Variants in MTMR8 observed in about 807,000 individuals in gnomAD.
The protein encoded by MTMR8 is phosphatidylinositol-3,5-bisphosphate 3-phosphatase MTMR8.
Under a neutral mutation model 39.3 loss-of-function variants are expected in MTMR8, and 65 were observed. The ratio of observed to expected loss-of-function variants is 1.65; its 90% CI spans 1.35 to 2.03. MTMR8 has a LOEUF of 2.03. Ranked by LOEUF, MTMR8 falls within the 30% of genes most tolerant of loss-of-function variation. The pLI is 0.00. For synonymous variants in MTMR8, 245 were observed against 185.2 expected (o/e 1.32, Z -2.62); for missense variants, 777 against 538.9 (o/e 1.44, Z -4.37).
At chrX:64,296,523 C>G (rs777208644) in intron 12 of MTMR8, among the ~76,000 whole-genome samples, 1 of 107,365 alleles carries the variant, frequency 9.3e-6, no homozygotes, top group African/African-American at 3.4e-5. Context: ...AGAGGACGGA[C>G]TGTTATATAA....
At chrX:64,355,409 C>T (rs1923596126) in intron 3 of MTMR8, among the ~76,000 whole-genome samples, 1 of 111,747 alleles carries the variant, frequency 8.9e-6, no homozygotes, top group African/African-American at 3.2e-5. Context: ...CTCTGTCAGT[C>T]CTGCTTCCTC....
intron 8 of MTMR8, among the ~76,000 whole-genome samples, chrX:64,340,460 T>G (rs1923186011): frequency 9.1e-6 from 1 of 110,472 alleles, no homozygotes; most frequent in South Asian, 3.9e-4. Context: ...TATAGCTAAA[T>G]GAAATAGATC....
Position 64,393,709 on chromosome X carries a change from G to A in MTMR8, c.24+1631C>T, listed in dbSNP as rs375728098. On this transcript the variant is annotated intron_variant, in intron 1 of 13. Transcript: ENST00000374852. Reference sequence around the variant, plus strand: ...CGGAAACAAAGGGACACAGAAAAAGGCAAGGCTGGCTGGCTTTTACACGGG... The same window carrying A: ...CGGAAACAAAGGGACACAGAAAAAGACAAGGCTGGCTGGCTTTTACACGGG... Among the ~76,000 whole-genome samples, 10 of 111,912 alleles carry A rather than the reference G, an allele frequency of 8.9e-5. No individual in the cohort carries two copies. In the South Asian group the frequency reaches 3.8e-3, roughly 43 times the overall value.
In MTMR8 at chrX:64,349,331, G is replaced by A. The variant is rs144261744; in HGVS notation, c.598-537C>T. Among the ~76,000 whole-genome samples the A allele has an allele frequency of 5.9e-3, 655 of 111,510 alleles. 2 individuals carry two copies. Among genetic ancestry groups the A allele is most frequent in the Non-Finnish European group, 8.9e-3 (470 of 53,068 alleles). On this transcript the variant is annotated intron_variant, in intron 5 of 13. Coordinates refer to ENST00000374852, the MANE Select transcript of MTMR8 (RefSeq NM_017677.4). The stretch of plus-strand genomic sequence containing the variant: ...TGGTAATGATTAGTTCATGAAATTC[G>A]TTACACTTTGATGTGGCTTTTAAGG...
In MTMR8 at chrX:64,348,684, C is replaced by T. The variant is rs749084903; in HGVS notation, c.708G>A (p.Met236Ile). The change falls in exon 6 of 14, where the codon ATG becomes ATA. Residue 236 changes from methionine to isoleucine, a missense_variant. Met to Ile is a conservative substitution (Grantham distance 10). Transcript: ENST00000374852. ...ISQTNPGSQFMYVVDTRPKLN... is the reference protein window; with the variant it reads ...ISQTNPGSQFIYVVDTRPKLN... ...CCTTTGGTCTTGTGTCTACAACATA[C>T]ATAAACTGGCTCCCTGGGTTTGTTT... The T allele has an allele frequency of 3.1e-5, 37 of 1,209,379 alleles. No individual in the cohort carries two copies. The highest frequency in any genetic ancestry group is 2.6e-4 in the South Asian group (15 of 56,812).
chrX:64,375,611 C>T (rs1020871372), intron 1 of MTMR8, among the ~76,000 whole-genome samples: 1 of 110,785 alleles, frequency 9.0e-6, no homozygotes, highest in Admixed American at 9.6e-5. Flanking sequence ...GTTCTCTGCT[C>T]ATAAATGGGA....
Position 64,287,468 on chromosome X carries a change from A to C in MTMR8, c.1482-16395T>G, listed in dbSNP as rs899406010. On this transcript the variant is annotated intron_variant, in intron 12 of 13. Transcript: ENST00000374852. ...TCACAGAATTGGAAAAAACTACTTT[A>C]AAGTTCATATGGAACCAAAAAAAGA... 1.3e-3 allele frequency among the ~76,000 whole-genome samples: 148 copies of C among 111,409 alleles called. 1 individual carries two copies. Among genetic ancestry groups the C allele is most frequent in the African/African-American group, 4.7e-3 (143 of 30,637 alleles).
intron 8 of MTMR8, among the ~76,000 whole-genome samples, chrX:64,338,772 G>A (rs1265071585): frequency 9.0e-6 from 1 of 111,730 alleles, no homozygotes; most frequent in Non-Finnish European, 1.9e-5. Context: ...ATAGGCCTGA[G>A]GTAAGGTAGT....
intron 13 of MTMR8, among the ~76,000 whole-genome samples, chrX:64,270,407 G>A (rs1016599982): frequency 4.5e-5 from 5 of 111,489 alleles, no homozygotes; most frequent in African/African-American, 1.3e-4. Context: ...AAACCCTTAG[G>A]GATTCCTACA....
chrX:64,360,481 T>C (rs750016331), intron 1 of MTMR8: 1 of 170,491 alleles, frequency 5.9e-6, no homozygotes, highest in Admixed American at 7.6e-5. Flanking sequence ...TAGGACTCTA[T>C]ATCCAACAAA....
chrX:64,303,528 C>T (rs1440454600), intron 12 of MTMR8, among the ~76,000 whole-genome samples: 2 of 112,121 alleles, frequency 1.8e-5, no homozygotes, highest in Admixed American at 9.5e-5. Flanking sequence ...TGATATATTT[C>T]TTATAGCAAA....
Sources: allele counts gnomAD v4.1 joint callset (sites outside exome capture counted in the v4.1 genomes callset), GRCh38; gene constraint gnomAD v4.1.1; transcripts MANE v1.5; gene names NCBI Gene and HGNC (gene_info 2026-07-23, HGNC 2026-07-21).